Variants in PSD3 observed in about 807,000 individuals in gnomAD.
The protein encoded by PSD3 is pleckstrin and Sec7 domain containing 3, also known as PH and SEC7 domain-containing protein 3.
Under a neutral mutation model 105.5 loss-of-function variants are expected in PSD3, and 49 were observed. That is an observed-to-expected ratio of 0.46 (90% CI 0.37 to 0.59). The LOEUF (loss-of-function observed/expected upper bound fraction) is 0.59. Among genes scored for constraint, PSD3 ranks in the 20% least tolerant of loss-of-function variants. The pLI is 0.00. For synonymous variants in PSD3, 557 were observed against 457.8 expected, an observed-to-expected ratio of 1.22 and a Z score of -2.77; for missense variants, 1,561 against 1,263.8, an observed-to-expected ratio of 1.24 and a Z score of -3.57.
At chr8:18,799,039 A>G (rs1810442454) in intron 8 of PSD3, 4 of 401,012 alleles carry the variant, frequency 1.0e-5, no homozygotes, top group South Asian at 8.9e-5. Context: ...CATCTACTGG[A>G]CAAAGAAGAC....
chr8:18,675,092 G>A (rs1487394469), intron 9 of PSD3, among the ~76,000 whole-genome samples: 1 of 152,056 alleles, frequency 6.6e-6, no homozygotes, highest in South Asian at 2.1e-4. Flanking sequence ...TGACAGTCAA[G>A]AGCTGCTTCT....
chr8:19,009,061 T>C (rs1393334456), intron 1 of PSD3, among the ~76,000 whole-genome samples: 1 of 152,234 alleles, frequency 6.6e-6, no homozygotes, highest in Admixed American at 6.5e-5. Flanking sequence ...ATCTGCTTTA[T>C]TGTGAATTCC....
chr8:18,584,330 C>A (rs1259971197), intron 12 of PSD3, among the ~76,000 whole-genome samples: 1 of 152,176 alleles, frequency 6.6e-6, no homozygotes, highest in Non-Finnish European at 1.5e-5. Context: ...TGGGTGAAGT[C>A]ATAACAGTTA....
intron 1 of PSD3, among the ~76,000 whole-genome samples, chr8:18,981,164 G>A (rs991535983): frequency 2.0e-5 from 3 of 152,120 alleles, no homozygotes; most frequent in Admixed American, 2.0e-4. Flanking sequence ...GGTCCACCAG[G>A]ACACTGCTAG....
chr8:18,616,193 C>T (rs1390831789), intron 11 of PSD3, among the ~76,000 whole-genome samples: 2 of 152,252 alleles, frequency 1.3e-5, no homozygotes, highest in Non-Finnish European at 2.9e-5. Flanking sequence ...GATGCTGCTC[C>T]ACGATGGCCT....
chr8:18,688,523 G>A (rs1318918496), intron 9 of PSD3, among the ~76,000 whole-genome samples: 1 of 152,152 alleles, frequency 6.6e-6, no homozygotes, highest in East Asian at 1.9e-4. Flanking sequence ...TTGTAACAGG[G>A]TCTTATTATT....
At chr8:18,900,924 G>C (rs1819462453) in intron 2 of PSD3, among the ~76,000 whole-genome samples, 1 of 152,030 alleles carries the variant, frequency 6.6e-6, no homozygotes, top group South Asian at 2.1e-4. Flanking sequence ...ACAACAGGTG[G>C]CTTCAACATT....
At chr8:18,669,419 G>C (rs981375828) in intron 9 of PSD3, among the ~76,000 whole-genome samples, 1 of 152,120 alleles carries the variant, frequency 6.6e-6, no homozygotes, top group Admixed American at 6.6e-5. Flanking sequence ...TAATAAAATA[G>C]AACAATGATA....
At chr8:18,578,934 A>G (rs1034581497) in intron 12 of PSD3, among the ~76,000 whole-genome samples, 9 of 152,132 alleles carry the variant, frequency 5.9e-5, no homozygotes, top group Non-Finnish European at 1.3e-4. Context: ...GACAGGATCT[A>G]TTTAATTAGG....
chr8:18,579,078 G>C (rs575727038), intron 12 of PSD3, among the ~76,000 whole-genome samples: 45 of 139,256 alleles, frequency 3.2e-4, no homozygotes, highest in Middle Eastern at 3.8e-3. Context: ...ATTCCTACTA[G>C]AAAATAAAGC....
chr8:18,986,559 C>CAAAA (rs1032265758), intron 1 of PSD3, among the ~76,000 whole-genome samples: 9 of 73,848 alleles, frequency 1.2e-4, no homozygotes, highest in African/African-American at 4.7e-4. Context: ...ATGGTCTCAG[C>CAAAA]AAAAAAAAAA....
intron 9 of PSD3, among the ~76,000 whole-genome samples, chr8:18,759,092 ACTCT>A (rs748135836): frequency 5.4e-4 from 78 of 143,876 alleles, no homozygotes; most frequent in Admixed American, 1.1e-3. Flanking sequence ...ACACACACAC[ACTCT>A]CTCTCTCTCT....
At chr8:18,688,150 C>T (rs1800768533) in intron 9 of PSD3, among the ~76,000 whole-genome samples, 1 of 152,152 alleles carries the variant, frequency 6.6e-6, no homozygotes, top group African/African-American at 2.4e-5. Flanking sequence ...GCCATAATAG[C>T]TCACTGCAGC....
At chr8:18,780,228 G>C (rs1412330183) in intron 8 of PSD3, among the ~76,000 whole-genome samples, 1 of 152,080 alleles carries the variant, frequency 6.6e-6, no homozygotes, top group Non-Finnish European at 1.5e-5. Context: ...TACTAGTGTA[G>C]CTACTCATGC....
chr8:18,742,353 T>C (rs1018660627), intron 9 of PSD3, among the ~76,000 whole-genome samples: 5 of 152,160 alleles, frequency 3.3e-5, no homozygotes, highest in East Asian at 3.9e-4. Flanking sequence ...GTAACCTGTA[T>C]ACACTTAAAT....
intron 2 of PSD3, among the ~76,000 whole-genome samples, chr8:18,902,894 T>C (rs1819599590): frequency 1.3e-5 from 2 of 152,070 alleles, no homozygotes; most frequent in Non-Finnish European, 2.9e-5. Flanking sequence ...TTCCACACAA[T>C]GGGGAGACTT....
At chr8:18,659,477 T>C (rs1809162065) in intron 9 of PSD3, among the ~76,000 whole-genome samples, 2 of 152,208 alleles carry the variant, frequency 1.3e-5, no homozygotes, top group African/African-American at 2.4e-5. Flanking sequence ...TCTCTCCACA[T>C]TCCATAACTT....
intron 1 of PSD3, among the ~76,000 whole-genome samples, chr8:19,040,171 G>A (rs1249989603): frequency 1.3e-5 from 2 of 152,144 alleles, no homozygotes; most frequent in Non-Finnish European, 2.9e-5. Context: ...GGCCTCAGAG[G>A]CCATGGTAAG....
chr8:18,544,647 T>A lies in PSD3; in HGVS notation c.2929-8689A>T, dbSNP rs184166129. On this transcript the variant is annotated intron_variant, in intron 15 of 15. Transcript: ENST00000327040. The stretch of plus-strand genomic sequence containing the variant: ...ATGAACTCTGTGACTTTCATTTTTT[T>A]AAAAATTAAACATTAAAAAGCTTAC... 2.1e-3 allele frequency among the ~76,000 whole-genome samples: 314 copies of A among 152,320 alleles called. 1 individual carries two copies. Among genetic ancestry groups the A allele is most frequent in the African/African-American group, 7.0e-3 (293 of 41,580 alleles).
Sources: gnomAD v4.1 joint callset for allele counts (sites outside exome capture counted in the v4.1 genomes callset) on GRCh38, gnomAD v4.1.1 for gene constraint, MANE v1.5 for transcripts, NCBI Gene and HGNC (gene_info 2026-07-23, HGNC 2026-07-21) for gene names.